Variants in PDE4D observed in about 807,000 individuals in gnomAD.
PDE4D encodes the protein phosphodiesterase 4D, also known as 3',5'-cyclic-AMP phosphodiesterase 4D.
A neutral mutation model predicts 87.4 loss-of-function variants in PDE4D; 24 were observed. The ratio of observed to expected loss-of-function variants is 0.27; its 90% CI spans 0.20 to 0.39. The LOEUF (loss-of-function observed/expected upper bound fraction) is 0.39. Ranked by LOEUF, PDE4D falls within the 10% of genes least tolerant of loss-of-function variation. The probability of loss-of-function intolerance (pLI) is 1.00; values close to 1 mark genes in which losing one functional copy is unlikely to be tolerated. For missense variants in PDE4D, 714 were observed against 1,041.0 expected (o/e 0.69, Z 4.32); for synonymous variants, 384 against 383.2 (o/e 1.00, Z -0.02).
chr5:59,632,380 C>T (rs549488644), intron 1 of PDE4D, among the ~76,000 whole-genome samples: 4 of 152,334 alleles, frequency 2.6e-5, no homozygotes, highest in Admixed American at 6.5e-5. Flanking sequence ...CCCAGCACAG[C>T]CCTTAAGCTC....
At chr5:60,093,954 A>T (rs1378759477) in intron 2 of PDE4D, among the ~76,000 whole-genome samples, 1 of 152,196 alleles carries the variant, frequency 6.6e-6, no homozygotes, top group Non-Finnish European at 1.5e-5. Context: ...TATTAATCTG[A>T]ATAAGTTTTG....
chr5:59,928,794 A>G (rs1268541415), intron 3 of PDE4D, among the ~76,000 whole-genome samples: 1 of 150,356 alleles, frequency 6.7e-6, no homozygotes, highest in Non-Finnish European at 1.5e-5. Context: ...TGACAGCCCC[A>G]AAGTTCCAGA....
chr5:59,692,302 G>T (rs1751087693), intron 1 of PDE4D, among the ~76,000 whole-genome samples: 1 of 152,062 alleles, frequency 6.6e-6, no homozygotes, highest in South Asian at 2.1e-4. Context: ...TGTATTCTTT[G>T]TTCATGTAAT....
Position 60,046,415 on chromosome 5 carries a change from G to T in PDE4D, c.43-57698C>A, listed in dbSNP as rs575064363. Among the ~76,000 whole-genome samples, 668 of 152,230 alleles carry T rather than the reference G, an allele frequency of 4.4e-3. 4 individuals carry two copies. The highest frequency in any genetic ancestry group is 0.024 in the Middle Eastern group (7 of 294). On this transcript the variant is annotated intron_variant, in intron 2 of 16. Transcript: ENST00000502484. ...CTTCCAACACTATGTTGAATAGGAG[G>T]GGTGAGAGAAGGCATCCCTGTCTTG... is the stretch of plus-strand genomic sequence containing the variant.
At chr5:59,416,311 G>A (rs530455227) in intron 1 of PDE4D, among the ~76,000 whole-genome samples, 1 of 152,276 alleles carries the variant, frequency 6.6e-6, no homozygotes, top group African/African-American at 2.4e-5. Flanking sequence ...CAAGCCCAAA[G>A]AGGACTTCTT....
chr5:59,453,620 T>G (rs1361623059), intron 1 of PDE4D, among the ~76,000 whole-genome samples: 1 of 152,222 alleles, frequency 6.6e-6, no homozygotes, highest in African/African-American at 2.4e-5. Context: ...AAGAAAAGCC[T>G]AATTCAGAAC....
rs185773465 is a variant in PDE4D at position 59,593,392 on chromosome 5, C to A, written c.455+299776G>T. Among the ~76,000 whole-genome samples the A allele has an allele frequency of 1.8e-4, 28 of 151,486 alleles. No homozygotes were observed. The East Asian group carries it at 3.5e-3, about 19-fold the overall frequency. ...TTCATTTATCCTGATTAGATGTATC[C>A]AAAATAGATTTGCTTTCACTGGAAA... On this transcript the variant is annotated intron_variant, in intron 1 of 14. Transcript: ENST00000340635.
intron 1 of PDE4D, among the ~76,000 whole-genome samples, chr5:59,503,083 G>A (rs111747867): frequency 0.035 from 5,342 of 151,954 alleles, 164 homozygotes; most frequent in Admixed American, 0.082. Context: ...ATTTAAAGAG[G>A]GCTTGCTGTG....
At chr5:60,136,439 C>A (rs1780056098) in intron 2 of PDE4D, among the ~76,000 whole-genome samples, 1 of 151,984 alleles carries the variant, frequency 6.6e-6, no homozygotes, top group African/African-American at 2.4e-5. Flanking sequence ...CTCAGCCTCC[C>A]AAGTAGCTGG....
chr5:60,091,680 C>T (rs1242473954), intron 2 of PDE4D, among the ~76,000 whole-genome samples: 2 of 152,192 alleles, frequency 1.3e-5, no homozygotes, highest in African/African-American at 4.8e-5. Context: ...GATATCTGCA[C>T]TCCCATGTTT....
intron 1 of PDE4D, among the ~76,000 whole-genome samples, chr5:59,333,034 A>T (rs1777014419): frequency 6.6e-6 from 1 of 152,206 alleles, no homozygotes; most frequent in Non-Finnish European, 1.5e-5. Context: ...TTGTGAGTCC[A>T]GGTTTCTGTT....
At chr5:60,258,465 A>T (rs1393573889) in intron 1 of PDE4D, among the ~76,000 whole-genome samples, 1 of 151,994 alleles carries the variant, frequency 6.6e-6, no homozygotes, top group Non-Finnish European at 1.5e-5. Flanking sequence ...AGTAAAAAAA[A>T]TGTTCTTTGC....
chr5:59,352,634 T>C (rs576329861), intron 1 of PDE4D, among the ~76,000 whole-genome samples: 45 of 152,326 alleles, frequency 3.0e-4, no homozygotes, highest in African/African-American at 1.1e-3. Context: ...AATTTCCAGA[T>C]CAAAGTTGTA....
intron 6 of PDE4D, among the ~76,000 whole-genome samples, chr5:59,030,391 A>C (rs1304754280): frequency 6.6e-6 from 1 of 150,840 alleles, no homozygotes; most frequent in African/African-American, 2.4e-5. Flanking sequence ...CACTTTCCTC[A>C]AAAAAGAAAT....
At chr5:59,354,904 CCAAA>C (rs547906262) in intron 1 of PDE4D, among the ~76,000 whole-genome samples, 10 of 152,280 alleles carry the variant, frequency 6.6e-5, no homozygotes, top group African/African-American at 2.4e-4. Context: ...ACTAGAACCT[CCAAA>C]CAGTGAAAGC....
chr5:59,215,233 G>T (rs1750970907), intron 2 of PDE4D, among the ~76,000 whole-genome samples: 2 of 150,648 alleles, frequency 1.3e-5, no homozygotes, highest in South Asian at 4.3e-4. Context: ...AATGTTTTCT[G>T]TGCTTGCCTC....
At chr5:60,001,659 A>C (rs1351461227) in intron 2 of PDE4D, among the ~76,000 whole-genome samples, 1 of 152,170 alleles carries the variant, frequency 6.6e-6, no homozygotes, top group East Asian at 1.9e-4. Context: ...AAAAGTTAAA[A>C]GGTAAAATAA....
intron 1 of PDE4D, among the ~76,000 whole-genome samples, chr5:59,864,793 T>C (rs2152731312): frequency 6.6e-6 from 1 of 152,282 alleles, no homozygotes; most frequent in East Asian, 1.9e-4. Context: ...CCTGTAGCAC[T>C]TGTTCCTTTG....
intron 2 of PDE4D, among the ~76,000 whole-genome samples, chr5:60,015,861 C>T (rs1395400777): frequency 6.6e-6 from 1 of 151,888 alleles, no homozygotes; most frequent in African/African-American, 2.4e-5. Flanking sequence ...TTTGGACTCA[C>T]CAACTTCCAT....
Sources: allele counts gnomAD v4.1 joint callset (sites outside exome capture counted in the v4.1 genomes callset), GRCh38; gene constraint gnomAD v4.1.1; transcripts MANE v1.5; gene names NCBI Gene and HGNC (gene_info 2026-07-23, HGNC 2026-07-21).